Variants in NEGR1 observed in about 807,000 individuals in gnomAD.
NEGR1 encodes neuronal growth regulator 1.
In NEGR1, 10 loss-of-function variants were observed where a neutral mutation model predicts 40.9. That is an observed-to-expected ratio of 0.24 (90% CI 0.15 to 0.42). The LOEUF is 0.42. Ranked by LOEUF, NEGR1 falls within the 10% of genes least tolerant of loss-of-function variation. The pLI is 1.00. For synonymous variants in NEGR1, 185 were observed against 166.8 expected, an observed-to-expected ratio of 1.11 and a Z score of -0.84; for missense variants, 352 against 438.9, an observed-to-expected ratio of 0.80 and a Z score of 1.77.
intron 6 of NEGR1, among the ~76,000 whole-genome samples, chr1:71,545,310 C>T (rs1006040048): frequency 6.6e-6 from 1 of 151,652 alleles, no homozygotes. Context: ...ATGCAACCTA[C>T]ACACCCCTCC....
At chr1:72,021,718 G>C (rs1197299349) in intron 1 of NEGR1, among the ~76,000 whole-genome samples, 1 of 152,134 alleles carries the variant, frequency 6.6e-6, no homozygotes, top group Non-Finnish European at 1.5e-5. Flanking sequence ...AAATTTCTAT[G>C]TAACTATTAA....
chr1:71,568,731 T>TTA (rs1254324430), intron 6 of NEGR1, among the ~76,000 whole-genome samples: 2 of 151,952 alleles, frequency 1.3e-5, no homozygotes, highest in Admixed American at 6.6e-5. Flanking sequence ...TATGTGTAAA[T>TTA]TATATATATG....
intron 1 of NEGR1, among the ~76,000 whole-genome samples, chr1:72,113,857 G>C (rs1004436604): frequency 2.0e-5 from 3 of 151,672 alleles, no homozygotes; most frequent in African/African-American, 2.4e-5. Context: ...TTTAACTCTT[G>C]TGTGTGACGT....
At chr1:72,126,109 G>C (rs568163137) in intron 1 of NEGR1, among the ~76,000 whole-genome samples, 3 of 151,172 alleles carry the variant, frequency 2.0e-5, no homozygotes, top group African/African-American at 7.3e-5. Flanking sequence ...GTGTGTGTGT[G>C]TGTGTGTGTG....
At chr1:71,435,219 G>T (rs1298172204) in intron 6 of NEGR1, among the ~76,000 whole-genome samples, 1 of 152,140 alleles carries the variant, frequency 6.6e-6, no homozygotes, top group Non-Finnish European at 1.5e-5. Context: ...CAGTTTTTAT[G>T]TGGGTGCAGG....
At chr1:71,756,424 C>A (rs12739083) in intron 3 of NEGR1, among the ~76,000 whole-genome samples, 45,324 of 133,726 alleles carry the variant, frequency 0.34, 7,409 homozygotes, top group East Asian at 0.54. Flanking sequence ...AAAAAAAAAA[C>A]CAAAAAAAAC....
At chr1:72,032,340 C>T (rs1287806004) in intron 1 of NEGR1, among the ~76,000 whole-genome samples, 1 of 152,066 alleles carries the variant, frequency 6.6e-6, no homozygotes, top group Admixed American at 6.6e-5. Context: ...ACGTAGTGCA[C>T]AGAATAATGG....
intron 6 of NEGR1, among the ~76,000 whole-genome samples, chr1:71,517,690 C>A (rs960992160): frequency 3.8e-5 from 5 of 130,778 alleles, no homozygotes; most frequent in African/African-American, 1.6e-4. Flanking sequence ...CCTCTCTCAC[C>A]GCTCCTATTC....
intron 1 of NEGR1, among the ~76,000 whole-genome samples, chr1:72,073,142 A>T (rs1396981683): frequency 6.6e-6 from 1 of 152,100 alleles, no homozygotes; most frequent in East Asian, 1.9e-4. Flanking sequence ...AGCTAACTTC[A>T]TGGGGAGCCA....
At chr1:71,530,222 T>A (rs1569991926) in intron 6 of NEGR1, among the ~76,000 whole-genome samples, 1 of 151,400 alleles carries the variant, frequency 6.6e-6, no homozygotes, top group South Asian at 2.1e-4. Flanking sequence ...TGAATACTTT[T>A]GTGAGAATTT....
At chr1:71,428,399 A>G (rs1422622367) in intron 6 of NEGR1, among the ~76,000 whole-genome samples, 1 of 152,200 alleles carries the variant, frequency 6.6e-6, no homozygotes, top group Non-Finnish European at 1.5e-5. Context: ...ATAAAAACTC[A>G]CATTCATTTA....
At chr1:72,130,215 G>A (rs1171386786) in intron 1 of NEGR1, among the ~76,000 whole-genome samples, 1 of 152,120 alleles carries the variant, frequency 6.6e-6, no homozygotes, top group Non-Finnish European at 1.5e-5. Context: ...GATCCAGCGA[G>A]CTGCATGTTT....
At chr1:71,789,723 C>T (rs1189575873) in intron 2 of NEGR1, among the ~76,000 whole-genome samples, 2 of 152,066 alleles carry the variant, frequency 1.3e-5, no homozygotes, top group East Asian at 3.9e-4. Flanking sequence ...AGTGTAATTC[C>T]TTGGGCATTC....
chr1:71,482,757 T>C (rs773033026), intron 6 of NEGR1, among the ~76,000 whole-genome samples: 3 of 151,868 alleles, frequency 2.0e-5, no homozygotes, highest in African/African-American at 4.8e-5. Context: ...CTTCCCTTAG[T>C]TCCTGTGGGC....
At chr1:71,918,347 T>A (rs973817211) in intron 2 of NEGR1, among the ~76,000 whole-genome samples, 1 of 147,986 alleles carries the variant, frequency 6.8e-6, no homozygotes, top group Admixed American at 6.8e-5. Context: ...CAACCACATG[T>A]CAAGTCTCAG....
chr1:71,945,360 T>C (rs1474930368), intron 1 of NEGR1, among the ~76,000 whole-genome samples: 1 of 152,130 alleles, frequency 6.6e-6, no homozygotes, highest in Admixed American at 6.6e-5. Flanking sequence ...ATCCCTGTGG[T>C]TAACTTTCTG....
Position 72,168,237 on chromosome 1 carries a change from C to G in NEGR1, c.176+114082G>C, listed in dbSNP as rs148675117. 2.4e-3 allele frequency among the ~76,000 whole-genome samples: 369 copies of G among 152,064 alleles called. 1 individual carries two copies. Among genetic ancestry groups the G allele is most frequent in the African/African-American group, 8.5e-3 (352 of 41,510 alleles). ...CATGCTGACCAGGCTGGTCTGACCT[C>G]AGGTGATCCACCAGCCTCAGCCTCC... is the stretch of plus-strand genomic sequence containing the variant. On this transcript the variant is annotated intron_variant, in intron 1 of 6. Coordinates refer to ENST00000357731, the MANE Select transcript of NEGR1 (RefSeq NM_173808.3).
chr1:72,048,277 T>A (rs1260013806), intron 1 of NEGR1, among the ~76,000 whole-genome samples: 1 of 151,674 alleles, frequency 6.6e-6, no homozygotes, highest in Non-Finnish European at 1.5e-5. Context: ...CCTTACAGAA[T>A]GTTAGAATTG....
At chr1:72,076,236 G>A (rs894054685) in intron 1 of NEGR1, among the ~76,000 whole-genome samples, 1 of 152,086 alleles carries the variant, frequency 6.6e-6, no homozygotes, top group Non-Finnish European at 1.5e-5. Context: ...TGTCATAAGG[G>A]TAGAGTCCTC....
Sources: allele counts gnomAD v4.1 joint callset (sites outside exome capture counted in the v4.1 genomes callset), GRCh38; gene constraint gnomAD v4.1.1; transcripts MANE v1.5; gene names NCBI Gene and HGNC (gene_info 2026-07-23, HGNC 2026-07-21).